The following CARMIL1 variants were observed in gnomAD, a reference collection of about 807,000 sequenced individuals.
CARMIL1 encodes F-actin-uncapping protein LRRC16A.
In CARMIL1, 90 loss-of-function variants were observed where a neutral mutation model predicts 177.1. That is an observed-to-expected ratio of 0.51 (90% confidence interval 0.43 to 0.61). The LOEUF (loss-of-function observed/expected upper bound fraction) is 0.61, where lower values mean the gene tolerates loss of function less well. Among genes scored for constraint, CARMIL1 ranks in the 20% least tolerant of loss-of-function variants. The probability of loss-of-function intolerance (pLI) is 0.00; values close to 1 mark genes in which losing one functional copy is unlikely to be tolerated. For missense variants in CARMIL1, 1,380 were observed against 1,667.0 expected (o/e 0.83, Z 3.00); for synonymous variants, 577 against 606.2 (o/e 0.95, Z 0.71).
chr6:25,564,858 A>G (rs906540414), intron 29 of CARMIL1, among the ~76,000 whole-genome samples: 1 of 152,010 alleles, frequency 6.6e-6, no homozygotes, highest in African/African-American at 2.4e-5. Context: ...GTGAAAAATT[A>G]GATATGGTGG....
intron 2 of CARMIL1, among the ~76,000 whole-genome samples, chr6:25,316,326 C>G (rs1275161934): frequency 1.3e-5 from 2 of 152,026 alleles, no homozygotes; most frequent in African/African-American, 4.8e-5. Flanking sequence ...CCTTTCAGTC[C>G]TTAAGCCTCA....
chr6:25,383,937 C>G (rs183074019), intron 2 of CARMIL1, among the ~76,000 whole-genome samples: 1 of 152,274 alleles, frequency 6.6e-6, no homozygotes, highest in African/African-American at 2.4e-5. Flanking sequence ...CTCCTGGGTT[C>G]AAGCAATTCT....
chr6:25,298,193 TA>T (rs1456536214), intron 2 of CARMIL1, among the ~76,000 whole-genome samples: 7 of 152,198 alleles, frequency 4.6e-5, no homozygotes, highest in African/African-American at 1.7e-4. Context: ...CTGTTATTGT[TA>T]GGGGTAGTGT....
intron 2 of CARMIL1, among the ~76,000 whole-genome samples, chr6:25,291,871 T>A (rs1223158158): frequency 6.6e-6 from 1 of 152,186 alleles, no homozygotes; most frequent in Non-Finnish European, 1.5e-5. Flanking sequence ...TCACAGTTTT[T>A]AAAATAACTA....
chr6:25,560,268 T>C (rs1810985401), intron 29 of CARMIL1, among the ~76,000 whole-genome samples: 1 of 152,108 alleles, frequency 6.6e-6, no homozygotes, highest in South Asian at 2.1e-4. Flanking sequence ...ATAAGATAAA[T>C]GATCTTTTTC....
At position 25,619,568 on chromosome 6, in the gene CARMIL1, G is replaced by A; in HGVS notation, c.4101G>A (p.Glu1367=). The part of the protein sequence containing the change: ...SNDSGEEAEK[E]FIFV Reference sequence around the variant, plus strand: ...ACTCCGGGGAAGAAGCAGAAAAAGAGTTTATTTTTGTGTAAAGGTCACCCA... The same window carrying A: ...ACTCCGGGGAAGAAGCAGAAAAAGAATTTATTTTTGTGTAAAGGTCACCCA... The change falls in exon 37 of 37, where the codon GAG becomes GAA. Residue 1367 remains glutamate, a synonymous_variant. Coordinates refer to ENST00000329474, the MANE Select transcript of CARMIL1 (RefSeq NM_017640.6). 2.5e-6 allele frequency: 4 copies of A among 1,613,622 alleles called. No individual in the cohort carries two copies. The highest frequency in any genetic ancestry group is 3.4e-6 in the Non-Finnish European group (4 of 1,179,768).
intron 35 of CARMIL1, among the ~76,000 whole-genome samples, chr6:25,608,197 A>T (rs1373232184): frequency 3.3e-5 from 5 of 152,204 alleles, no homozygotes; most frequent in African/African-American, 1.2e-4. Context: ...GGCCCCTCTT[A>T]TCCAAGGTTT....
chr6:25,586,314 A>T (rs894630102), intron 31 of CARMIL1, among the ~76,000 whole-genome samples: 6 of 145,352 alleles, frequency 4.1e-5, no homozygotes, highest in African/African-American at 1.6e-4. Context: ...CAGTTCCCAG[A>T]CGGGGTCGCG....
At chr6:25,296,077 C>G (rs1782346572) in intron 2 of CARMIL1, among the ~76,000 whole-genome samples, 1 of 152,228 alleles carries the variant, frequency 6.6e-6, no homozygotes, top group African/African-American at 2.4e-5. Flanking sequence ...AATTTAGTAT[C>G]ATAATGAAAG....
chr6:25,470,928 C>T lies in CARMIL1; in HGVS notation c.691-241C>T, dbSNP rs148763579. Among the ~76,000 whole-genome samples, 28 of 152,270 alleles carry T rather than the reference C, an allele frequency of 1.8e-4. No individual in the cohort carries two copies. The South Asian group carries it at 3.5e-3, about 19-fold the overall frequency. On this transcript the variant is annotated intron_variant, in intron 9 of 36. Transcript: ENST00000329474. ...CGGGGGACACAAACTCTGACCATAG[C>T]ATTCTTCTTGTCTGTTTCCCCTGCT...
chr6:25,530,675 C>T lies in CARMIL1; in HGVS notation c.2067+1782C>T, dbSNP rs565447613. Among the ~76,000 whole-genome samples the T allele has an allele frequency of 3.6e-4, 54 of 152,018 alleles. No homozygotes were observed. The South Asian group carries it at 4.6e-3, about 13-fold the overall frequency. On this transcript the variant is annotated intron_variant, in intron 24 of 36. Coordinates refer to ENST00000329474, the MANE Select transcript of CARMIL1 (RefSeq NM_017640.6). ...GACATGAACTCAGAAATTCTATTCC[C>T]GTCATATTCCTTATGAAAAAAAAGT... is the stretch of plus-strand genomic sequence containing the variant.
At chr6:25,347,418 T>G (rs6456671) in intron 2 of CARMIL1, among the ~76,000 whole-genome samples, 19,273 of 152,212 alleles carry the variant, frequency 0.13, 1,483 homozygotes, top group African/African-American at 0.22. Context: ...AACCCAGGCT[T>G]GTGCACTCTG....
At chr6:25,295,252 A>G (rs1026423279) in intron 2 of CARMIL1, among the ~76,000 whole-genome samples, 1 of 152,172 alleles carries the variant, frequency 6.6e-6, no homozygotes, top group South Asian at 2.1e-4. Context: ...GGAATCATGA[A>G]TACTATTTTG....
intron 2 of CARMIL1, among the ~76,000 whole-genome samples, chr6:25,306,481 C>T (rs971250508): frequency 1.3e-5 from 2 of 152,112 alleles, no homozygotes; most frequent in African/African-American, 2.4e-5. Context: ...CTTTTTCATC[C>T]TGAAACCATC....
At chr6:25,573,139 A>AC (rs568126254) in intron 29 of CARMIL1, among the ~76,000 whole-genome samples, 49 of 152,144 alleles carry the variant, frequency 3.2e-4, no homozygotes, top group South Asian at 6.2e-4. Context: ...CCCAGGGATG[A>AC]CCAAGGGGAG....
At chr6:25,446,822 C>CGTTATTA (rs1198274215) in intron 5 of CARMIL1, among the ~76,000 whole-genome samples, 1 of 152,112 alleles carries the variant, frequency 6.6e-6, no homozygotes, top group African/African-American at 2.4e-5. Flanking sequence ...ACTTAGAGGC[C>CGTTATTA]ATTGCAGGGT....
At position 25,600,606 on chromosome 6, in the gene CARMIL1, G is replaced by A. The variant is rs1815299103; in HGVS notation, c.3412G>A (p.Glu1138Lys). The A allele has an allele frequency of 1.2e-6, 2 of 1,613,974 alleles. No homozygotes were observed. The highest frequency in any genetic ancestry group is 1.7e-6 in the Non-Finnish European group (2 of 1,179,892). ...TGACTCCTTTGAAGAGAGTCAAGGG[G>A]AAGAAATAGGGAAGGTGGAACGGAG... ...TPDSFEESQG[E>K]EIGKVERSDS... is the part of the protein sequence containing the mutation. Residue 1138 changes from glutamate (E) to lysine (K), a missense_variant, in exon 33 of 37, where the codon GAA becomes AAA. Glu to Lys is a moderately conservative substitution (Grantham distance 56). Coordinates refer to ENST00000329474, the MANE Select transcript of CARMIL1 (RefSeq NM_017640.6).
At chr6:25,314,555 T>TATATGTATGTATACATTCACACACATAG (rs1784127257) in intron 2 of CARMIL1, among the ~76,000 whole-genome samples, 1 of 151,854 alleles carries the variant, frequency 6.6e-6, no homozygotes, top group African/African-American at 2.4e-5. Flanking sequence ...CACATACATA[T>TATATGTATGTATACATTCACACACATAG]ATATGTATGT....
chr6:25,609,562 T>C (rs1015617195), intron 35 of CARMIL1, among the ~76,000 whole-genome samples: 1 of 152,246 alleles, frequency 6.6e-6, no homozygotes, highest in African/African-American at 2.4e-5. Context: ...CAAAGTCTTT[T>C]CTGGTTCTAA....
Sources: gnomAD v4.1 joint callset for allele counts (sites outside exome capture counted in the v4.1 genomes callset) on GRCh38, gnomAD v4.1.1 for gene constraint, MANE v1.5 for transcripts, NCBI Gene and HGNC (gene_info 2026-07-23, HGNC 2026-07-21) for gene names.